LRP1B: variants seen among roughly 807,000 people sequenced by gnomAD.
The protein encoded by LRP1B is low-density lipoprotein receptor-related protein 1B.
Under a neutral mutation model 556.6 loss-of-function variants are expected in LRP1B, and 217 were observed. The ratio of observed to expected loss-of-function variants is 0.39; its 90% CI spans 0.35 to 0.44. The LOEUF (loss-of-function observed/expected upper bound fraction) is 0.44. Among genes scored for constraint, LRP1B ranks in the 20% least tolerant of loss-of-function variants. The probability of loss-of-function intolerance (pLI) is 1.00; values close to 1 mark genes in which losing one functional copy is unlikely to be tolerated. For missense variants in LRP1B, 5,053 were observed against 5,620.8 expected (o/e 0.90, Z 3.23); for synonymous variants, 2,047 against 1,865.8 (o/e 1.10, Z -2.50).
chr2:140,791,436 A>G (rs1431232599), intron 32 of LRP1B, among the ~76,000 whole-genome samples: 2 of 152,122 alleles, frequency 1.3e-5, no homozygotes, highest in Non-Finnish European at 2.9e-5. Flanking sequence ...CTCTAAAAAA[A>G]TTAAAAATTA....
chr2:140,384,543 A>G (rs996165073), intron 67 of LRP1B, among the ~76,000 whole-genome samples: 1 of 152,218 alleles, frequency 6.6e-6, no homozygotes, highest in Non-Finnish European at 1.5e-5. Flanking sequence ...AGAGGGAGTT[A>G]TAAAAGTTTC....
chr2:140,775,217 G>A (rs9287300), intron 33 of LRP1B, among the ~76,000 whole-genome samples: 51,305 of 151,614 alleles, frequency 0.34, 8,713 homozygotes, highest in East Asian at 0.4. Context: ...GCTCTCAATT[G>A]GTATGTTCAA....
intron 3 of LRP1B, among the ~76,000 whole-genome samples, chr2:141,305,576 C>T (rs115950553): frequency 0.015 from 2,350 of 152,190 alleles, 55 homozygotes; most frequent in African/African-American, 0.053. Context: ...AGTTTGGATG[C>T]CTTTTCTTTC....
chr2:141,782,399 C>T (rs767106344), intron 2 of LRP1B, among the ~76,000 whole-genome samples: 57 of 151,686 alleles, frequency 3.8e-4, no homozygotes, highest in Non-Finnish European at 6.5e-4. Context: ...GACAAAATTA[C>T]ATTGTCTTCT....
At chr2:142,044,064 G>A (rs182467696) in intron 1 of LRP1B, among the ~76,000 whole-genome samples, 26 of 151,514 alleles carry the variant, frequency 1.7e-4, no homozygotes, top group Admixed American at 1.3e-3. Flanking sequence ...TTTTATTTAT[G>A]TCTATCACAA....
intron 26 of LRP1B, 50 bp downstream of exon 26, chr2:140,868,049 A>G: frequency 1.3e-6 from 2 of 1,532,814 alleles, no homozygotes; most frequent in Non-Finnish European, 1.8e-6. Flanking sequence ...AATGTTGTAA[A>G]TATTATCTAA....
chr2:141,754,773 CCTAG>C (rs200722212), intron 2 of LRP1B, among the ~76,000 whole-genome samples: 2 of 151,960 alleles, frequency 1.3e-5, no homozygotes, highest in East Asian at 1.9e-4. Context: ...CTTTTTTCCT[CCTAG>C]CTATTCAGAT....
chr2:141,470,639 T>C (rs1009894637), intron 3 of LRP1B, among the ~76,000 whole-genome samples: 2 of 152,180 alleles, frequency 1.3e-5, no homozygotes, highest in Non-Finnish European at 2.9e-5. Context: ...TGATTTCCAG[T>C]GTGACTCTTG....
At chr2:140,854,124 C>T (rs1692543717) in intron 27 of LRP1B, among the ~76,000 whole-genome samples, 1 of 144,952 alleles carries the variant, frequency 6.9e-6, no homozygotes, top group African/African-American at 2.5e-5. Flanking sequence ...AAAGGGAAGA[C>T]AAGAAGGAAA....
Position 141,641,414 on chromosome 2 carries a change from A to T in LRP1B, c.206-160881T>A, listed in dbSNP as rs74269535. ...CTATACAATAATTAACTTAAAAAAA[A>T]TTAAACACTATACTGAATATTCATT... On this transcript the variant is annotated intron_variant, in intron 2 of 90. Transcript: ENST00000389484. Among the ~76,000 whole-genome samples the T allele has an allele frequency of 8.5e-5, 13 of 152,330 alleles. No homozygotes were observed. The East Asian group carries it at 2.5e-3, about 29-fold the overall frequency.
intron 83 of LRP1B, among the ~76,000 whole-genome samples, chr2:140,305,066 G>A (rs1329224406): frequency 1.2e-4 from 18 of 152,128 alleles, no homozygotes; most frequent in Non-Finnish European, 2.5e-4. Flanking sequence ...TAGCCTTGTA[G>A]TATAGTTTGA....
chr2:141,625,303 AGG>A (rs1189651241), intron 2 of LRP1B, among the ~76,000 whole-genome samples: 1 of 152,176 alleles, frequency 6.6e-6, no homozygotes, highest in East Asian at 1.9e-4. Flanking sequence ...ACCTTGAGTG[AGG>A]TAATTAATAT....
intron 43 of LRP1B, among the ~76,000 whole-genome samples, chr2:140,585,341 A>C (rs1681942789): frequency 6.6e-6 from 1 of 152,102 alleles, no homozygotes; most frequent in African/African-American, 2.4e-5. Flanking sequence ...ACTAAACAAC[A>C]GGTCTTATAT....
At chr2:141,491,053 A>G (rs767788003) in intron 2 of LRP1B, among the ~76,000 whole-genome samples, 1 of 151,916 alleles carries the variant, frequency 6.6e-6, no homozygotes, top group Admixed American at 6.6e-5. Flanking sequence ...AAAACAATGA[A>G]TCAGTCCTAG....
intron 2 of LRP1B, among the ~76,000 whole-genome samples, chr2:141,690,412 T>A (rs796124320): frequency 0.064 from 5,489 of 86,080 alleles, 350 homozygotes; most frequent in East Asian, 0.11. Flanking sequence ...TATATATATA[T>A]ATATATATAT....
At chr2:140,875,159 T>C (rs1179634757) in intron 25 of LRP1B, among the ~76,000 whole-genome samples, 1 of 152,098 alleles carries the variant, frequency 6.6e-6, no homozygotes, top group African/African-American at 2.4e-5. Flanking sequence ...ATTAAAACTA[T>C]TCAACTCCTC....
intron 49 of LRP1B, among the ~76,000 whole-genome samples, chr2:140,518,269 G>T (rs1457741549): frequency 6.6e-6 from 1 of 152,088 alleles, no homozygotes; most frequent in East Asian, 1.9e-4. Context: ...ATTTTAGGAT[G>T]CTTAGGATGT....
At chr2:141,629,099 T>C (rs1190007739) in intron 2 of LRP1B, among the ~76,000 whole-genome samples, 1 of 152,208 alleles carries the variant, frequency 6.6e-6, no homozygotes, top group Admixed American at 6.5e-5. Context: ...AAGGGCTATT[T>C]TTTTTCCAAA....
chr2:141,676,867 T>G (rs1255472956), intron 2 of LRP1B, among the ~76,000 whole-genome samples: 6 of 152,162 alleles, frequency 3.9e-5, no homozygotes, highest in Non-Finnish European at 8.8e-5. Context: ...ATTTACTGAA[T>G]AAATATTAAT....
Sources: gnomAD v4.1 joint callset for allele counts (sites outside exome capture counted in the v4.1 genomes callset) on GRCh38, gnomAD v4.1.1 for gene constraint, MANE v1.5 for transcripts, NCBI Gene and HGNC (gene_info 2026-07-23, HGNC 2026-07-21) for gene names.